Variants in PCDH7 observed in about 807,000 individuals in gnomAD.
The protein encoded by PCDH7 is protocadherin-7.
PCDH7 carries 17 observed loss-of-function variants against 58.9 expected under a neutral mutation model. The observed-to-expected ratio is 0.29, with a 90% CI of 0.20 to 0.43. The LOEUF is 0.43. Ranked by LOEUF, PCDH7 falls within the 20% of genes least tolerant of loss-of-function variation. The probability of loss-of-function intolerance (pLI) is 1.00; values close to 1 mark genes in which losing one functional copy is unlikely to be tolerated. For missense variants in PCDH7, 1,274 were observed against 1,441.0 expected, an observed-to-expected ratio of 0.88 and a Z score of 1.88; for synonymous variants, 664 against 616.4, an observed-to-expected ratio of 1.08 and a Z score of -1.14.
intron 1 of PCDH7, among the ~76,000 whole-genome samples, chr4:30,750,168 T>C (rs1484026261): frequency 6.6e-6 from 1 of 152,194 alleles, no homozygotes; most frequent in Non-Finnish European, 1.5e-5. Flanking sequence ...ACCCACTCTC[T>C]TCCACCTTTA....
At chr4:30,995,195 T>C (rs1171989879) in intron 3 of PCDH7, among the ~76,000 whole-genome samples, 1 of 152,098 alleles carries the variant, frequency 6.6e-6, no homozygotes, top group African/African-American at 2.4e-5. Flanking sequence ...GTGCTGACAG[T>C]TTATACAAAT....
intron 3 of PCDH7, among the ~76,000 whole-genome samples, chr4:30,966,923 GAAAT>G (rs1749047459): frequency 6.6e-6 from 1 of 152,008 alleles, no homozygotes; most frequent in Non-Finnish European, 1.5e-5. Flanking sequence ...TTCTTCTTAG[GAAAT>G]AAATTAAGCA....
intron 2 of PCDH7, among the ~76,000 whole-genome samples, chr4:30,922,556 A>G (rs1400472508): frequency 6.6e-6 from 1 of 152,156 alleles, no homozygotes; most frequent in Non-Finnish European, 1.5e-5. Flanking sequence ...CCTTTTAGGA[A>G]ACACACATGT....
intron 3 of PCDH7, among the ~76,000 whole-genome samples, chr4:30,984,919 T>TA (rs1038110702): frequency 2.0e-4 from 30 of 151,052 alleles, no homozygotes; most frequent in Admixed American, 1.5e-3. Flanking sequence ...GTAATACCAT[T>TA]AAAAAAAAAG....
chr4:30,904,083 A>G (rs1022234742), intron 1 of PCDH7, among the ~76,000 whole-genome samples: 1 of 152,204 alleles, frequency 6.6e-6, no homozygotes. Context: ...AGCCTCTTTC[A>G]TAAGTATGAA....
At chr4:31,127,202 G>A (rs1051798142) in intron 3 of PCDH7, among the ~76,000 whole-genome samples, 8 of 152,144 alleles carry the variant, frequency 5.3e-5, no homozygotes, top group Admixed American at 2.0e-4. Context: ...TTGCAGTACC[G>A]TAATTTTGCC....
At chr4:30,728,646 A>G (rs1206197668) in intron 1 of PCDH7, among the ~76,000 whole-genome samples, 1 of 151,838 alleles carries the variant, frequency 6.6e-6, no homozygotes, top group Non-Finnish European at 1.5e-5. Context: ...GCAAATTTAT[A>G]TGGAAGTCCA....
intron 1 of PCDH7, among the ~76,000 whole-genome samples, chr4:30,815,200 A>G (rs1400266971): frequency 6.6e-6 from 1 of 151,950 alleles, no homozygotes; most frequent in East Asian, 2.0e-4. Flanking sequence ...ATACATGCAC[A>G]TCTACACCCA....
At chr4:30,864,714 T>C (rs1734658110) in intron 1 of PCDH7, among the ~76,000 whole-genome samples, 1 of 152,050 alleles carries the variant, frequency 6.6e-6, no homozygotes, top group Non-Finnish European at 1.5e-5. Context: ...TCTGATTCTG[T>C]TAGATATTTC....
At chr4:30,825,088 C>A (rs182095277) in intron 1 of PCDH7, among the ~76,000 whole-genome samples, 3 of 152,136 alleles carry the variant, frequency 2.0e-5, no homozygotes, top group Admixed American at 6.6e-5. Context: ...TTTTAAGGTT[C>A]CTGTTTTAGA....
At chr4:30,947,866 A>G (rs1274136678) in intron 2 of PCDH7, among the ~76,000 whole-genome samples, 1 of 151,950 alleles carries the variant, frequency 6.6e-6, no homozygotes, top group Non-Finnish European at 1.5e-5. Flanking sequence ...TCCTCTGCCT[A>G]CCCTTCCCAA....
chr4:30,807,452 T>C (rs1321321675), intron 1 of PCDH7, among the ~76,000 whole-genome samples: 3 of 152,156 alleles, frequency 2.0e-5, no homozygotes, highest in African/African-American at 7.2e-5. Context: ...CATGGAGGCA[T>C]GTTCATGGAT....
intron 1 of PCDH7, among the ~76,000 whole-genome samples, chr4:30,791,671 C>T (rs1235617632): frequency 1.3e-5 from 2 of 152,170 alleles, no homozygotes; most frequent in African/African-American, 2.4e-5. Flanking sequence ...TCTCCAGTTT[C>T]TGGTCTGCTA....
intron 3 of PCDH7, among the ~76,000 whole-genome samples, chr4:31,102,450 CG>C (rs1715013465): frequency 6.6e-6 from 1 of 152,000 alleles, no homozygotes; most frequent in African/African-American, 2.4e-5. Context: ...GGGCTGGGCA[CG>C]GTGCCTCATG....
chr4:31,045,524 G>C (rs569019360), intron 3 of PCDH7, among the ~76,000 whole-genome samples: 1 of 152,012 alleles, frequency 6.6e-6, no homozygotes, highest in Non-Finnish European at 1.5e-5. Flanking sequence ...ATGATAAGCA[G>C]AACGGTAGCT....
chr4:30,858,963 G>T (rs9999771), intron 1 of PCDH7, among the ~76,000 whole-genome samples: 1 of 152,008 alleles, frequency 6.6e-6, no homozygotes. Context: ...ATTGTTTGAC[G>T]GATTGTGGCC....
At chr4:31,060,170 C>T (rs1358929301) in intron 3 of PCDH7, among the ~76,000 whole-genome samples, 21 of 151,704 alleles carry the variant, frequency 1.4e-4, no homozygotes, top group Non-Finnish European at 1.5e-5. Context: ...TTTTCCTTTG[C>T]TCTTGTAAGC....
chr4:31,132,283 T>C (rs575585333), intron 3 of PCDH7, among the ~76,000 whole-genome samples: 3 of 152,210 alleles, frequency 2.0e-5, no homozygotes, highest in African/African-American at 4.8e-5. Flanking sequence ...TTCTCATTTT[T>C]CCCCCATCTT....
chr4:30,765,009 G>A (rs541629540), intron 1 of PCDH7, among the ~76,000 whole-genome samples: 8 of 151,866 alleles, frequency 5.3e-5, no homozygotes, highest in South Asian at 2.1e-4. Context: ...GTGAGCCACC[G>A]CGCCCTGCCT....
Sources: gnomAD v4.1 joint callset for allele counts (sites outside exome capture counted in the v4.1 genomes callset) on GRCh38, gnomAD v4.1.1 for gene constraint, MANE v1.5 for transcripts, NCBI Gene and HGNC (gene_info 2026-07-23, HGNC 2026-07-21) for gene names.